The following MMUT variants were observed in gnomAD, a reference collection of about 807,000 sequenced individuals.
The protein encoded by MMUT is methylmalonyl-CoA mutase, mitochondrial.
In MMUT, 79 loss-of-function variants were observed where a neutral mutation model predicts 79.9. The observed-to-expected ratio is 0.99, with a 90% CI of 0.82 to 1.19. MMUT has a LOEUF of 1.19. MMUT is among the 50% of genes most tolerant of loss of function. The pLI, the probability that MMUT is intolerant of heterozygous loss-of-function variation, is 0.00. For synonymous variants in MMUT, 273 were observed against 295.7 expected, an observed-to-expected ratio of 0.92 and a Z score of 0.79; for missense variants, 860 against 917.2, an observed-to-expected ratio of 0.94 and a Z score of 0.81.
Position 49,458,030 on chromosome 6 carries a change from A to G in MMUT, c.414T>C (p.Phe138=), listed in dbSNP as rs2127420068. The change falls in exon 3 of 13, where the codon TTT becomes TTC. Residue 138 remains phenylalanine, a synonymous_variant. Transcript: ENST00000274813. ...CATAGCCACGATGTGTCGCCAGATCAAAGGCAACTGATAATCCCTGCTGAC... is the reference window on the plus strand; with the variant it reads ...CATAGCCACGATGTGTCGCCAGATCGAAGGCAACTGATAATCCCTGCTGAC... The part of the protein sequence containing the change: ...KAGQQGLSVA[F]DLATHRGYDS... 6.2e-7 allele frequency: 1 copy of G among 1,602,158 alleles called. No homozygotes were observed. The highest frequency in any genetic ancestry group is 2.2e-5 in the East Asian group (1 of 44,858).
At position 49,440,345 on chromosome 6, in the gene MMUT, T is replaced by G; in HGVS notation, c.1817A>C (p.Lys606Thr). The change falls in exon 11 of 13, where the codon AAA (lysine) becomes ACA (threonine). Residue 606 changes from lysine to threonine, a missense_variant. By Grantham distance (78) the Lys-to-Thr change is moderately conservative. Coordinates refer to ENST00000274813, the MANE Select transcript of MMUT (RefSeq NM_000255.4). ...TCTGCGACCTTCACGTTCCATGAAT[T>G]TATGAACCCTGAAAAACATTTAAAA... ...EITSAIKRVH[K>T]FMEREGRRPR... The G allele has an allele frequency of 6.2e-7, 1 of 1,613,928 alleles. No homozygotes were observed. Among genetic ancestry groups the G allele is most frequent in the Non-Finnish European group, 8.5e-7 (1 of 1,179,914 alleles).
chr6:49,454,891 TA>T (rs925486456), intron 4 of MMUT, among the ~76,000 whole-genome samples: 4 of 151,812 alleles, frequency 2.6e-5, no homozygotes, highest in African/African-American at 7.3e-5. Context: ...CAGGAAAACT[TA>T]AAACTTAGCC....
At chr6:49,441,758 G>A in intron 10 of MMUT, 82 bp downstream of exon 10, 1 of 1,415,998 alleles carries the variant, frequency 7.1e-7, no homozygotes, top group Non-Finnish European at 9.4e-7. Flanking sequence ...TTGTATGTAA[G>A]GAAATTAAGC....
intron 3 of MMUT, among the ~76,000 whole-genome samples, 164 bp downstream of exon 3, chr6:49,457,527 A>C (rs1350492507): frequency 6.6e-6 from 1 of 152,218 alleles, no homozygotes; most frequent in Non-Finnish European, 1.5e-5. Flanking sequence ...CCTGCAAGTA[A>C]CGACAGAACA....
chr6:49,456,626 G>A (rs1767698284), intron 3 of MMUT, among the ~76,000 whole-genome samples: 1 of 151,938 alleles, frequency 6.6e-6, no homozygotes, highest in Admixed American at 6.6e-5. Context: ...CCCAAACCTT[G>A]GGTTAATCTG....
intron 7 of MMUT, among the ~76,000 whole-genome samples, chr6:49,448,050 T>C (rs1399804040): frequency 6.6e-6 from 1 of 151,992 alleles, no homozygotes; most frequent in Non-Finnish European, 1.5e-5. Flanking sequence ...CTAATAAATC[T>C]TTTAACACTT....
chr6:49,462,942 A>T (rs570099892), intron 1 of MMUT, among the ~76,000 whole-genome samples, 161 bp downstream of exon 1: 1 of 152,332 alleles, frequency 6.6e-6, no homozygotes, highest in Admixed American at 6.5e-5. Flanking sequence ...TCTAAACCTA[A>T]GGAGAAGGCA....
At chr6:49,441,760 A>G in intron 10 of MMUT, 80 bp downstream of exon 10, 1 of 1,437,866 alleles carries the variant, frequency 7.0e-7, no homozygotes, top group Non-Finnish European at 9.3e-7. Context: ...GTATGTAAGG[A>G]AATTAAGCTC....
At chr6:49,440,555 C>T (rs1162162360) in intron 10 of MMUT, among the ~76,000 whole-genome samples, 11 of 151,834 alleles carry the variant, frequency 7.2e-5, no homozygotes, top group Admixed American at 2.0e-4. Context: ...TAGTTAAACA[C>T]GTGCCATGGT....
chr6:49,436,646 G>A (rs930300076), intron 11 of MMUT, among the ~76,000 whole-genome samples: 2 of 151,088 alleles, frequency 1.3e-5, no homozygotes, highest in African/African-American at 4.9e-5. Flanking sequence ...TATGTTCATT[G>A]TAGCACTATT....
At chr6:49,455,350 T>G (rs1581833158) in intron 4 of MMUT, among the ~76,000 whole-genome samples, 3 of 152,310 alleles carry the variant, frequency 2.0e-5, no homozygotes, top group Non-Finnish European at 2.9e-5. Context: ...AAAACAGTTT[T>G]GATCTCAAAT....
chr6:49,434,059 T>TC (rs1767057969), intron 12 of MMUT, among the ~76,000 whole-genome samples: 1 of 152,188 alleles, frequency 6.6e-6, no homozygotes, highest in Non-Finnish European at 1.5e-5. Context: ...ATTTTTTTTT[T>TC]CTCAACATGA....
rs121918257 is a variant in MMUT, at chr6:49,459,145, G to A, written c.322C>T (p.Arg108Cys). ...ACAGTACTAAAACCAGCATACTGGC[G>A]GATGGTCCAGGGCCTAAAGGTATAC... is the stretch of plus-strand genomic sequence containing the variant. ...TMYTFRPWTI[R>C]QYAGFSTVEE... Residue 108 changes from arginine (R) to cysteine (C), a missense_variant, in exon 2 of 13, where the codon CGC becomes TGC. By Grantham distance (180) the Arg-to-Cys change is radical (BLOSUM62 -3). Coordinates refer to ENST00000274813, the MANE Select transcript of MMUT (RefSeq NM_000255.4). 2.3e-5 allele frequency: 37 copies of A among 1,614,052 alleles called. No homozygotes were observed. In the Admixed American group the frequency reaches 4.8e-4, roughly 21 times the overall value.
intron 8 of MMUT, among the ~76,000 whole-genome samples, chr6:49,445,616 A>G (rs1299295080): frequency 6.6e-6 from 1 of 152,104 alleles, no homozygotes; most frequent in Non-Finnish European, 1.5e-5. Flanking sequence ...TATACTTTAA[A>G]TCATCTCTAG....
At chr6:49,458,149 A>C (rs1402229293) in intron 2 of MMUT, 91 bp from the exon 3 acceptor site, 2 of 1,274,594 alleles carry the variant, frequency 1.6e-6, no homozygotes, top group Non-Finnish European at 2.2e-6. Flanking sequence ...ATGTTGATTC[A>C]TCTCATAACA....
rs1031881339 is a variant in MMUT at position 49,430,515 on chromosome 6, T to A, written c.*1213A>T. The A allele has an allele frequency of 6.6e-6, 1 of 152,168 alleles. No individual in the cohort carries two copies. The highest frequency in any genetic ancestry group is 2.4e-5 in the African/African-American group (1 of 41,442). The allele number at this position is 152,168 out of a possible 1,614,324, so 9.4% of individuals were successfully genotyped here. On this transcript the variant is annotated 3_prime_UTR_variant, in exon 13 of 13. Coordinates refer to ENST00000274813, the MANE Select transcript of MMUT (RefSeq NM_000255.4). The stretch of plus-strand genomic sequence containing the variant: ...TATATCATTGGACTTGAAGTCAGTG[T>A]TCATCTGAAAATGGGAACAATAATC...
At chr6:49,439,028 G>A (rs2127414365) in intron 11 of MMUT, among the ~76,000 whole-genome samples, 1 of 152,214 alleles carries the variant, frequency 6.6e-6, no homozygotes, top group Non-Finnish European at 1.5e-5. Flanking sequence ...TAAAGGCTGA[G>A]GGAGAGAAGG....
intron 6 of MMUT, among the ~76,000 whole-genome samples, chr6:49,450,230 A>T (rs980100793): frequency 3.0e-5 from 4 of 132,992 alleles, no homozygotes; most frequent in African/African-American, 1.2e-4. Context: ...ACTCTGTCTT[A>T]AAAAAAAAAA....
chr6:49,456,051 G>A (rs1424369106), intron 4 of MMUT, 29 bp downstream of exon 4: 1 of 1,581,582 alleles, frequency 6.3e-7, no homozygotes, highest in South Asian at 1.1e-5. Flanking sequence ...TCTTAATGTT[G>A]AAACAATATC....
Sources: allele counts gnomAD v4.1 joint callset (sites outside exome capture counted in the v4.1 genomes callset), GRCh38; gene constraint gnomAD v4.1.1; transcripts MANE v1.5; gene names NCBI Gene and HGNC (gene_info 2026-07-23, HGNC 2026-07-21).